TBC1D2B: variants seen among roughly 807,000 people sequenced by gnomAD.
TBC1D2B encodes the protein TBC1 domain family, member 2B.
In TBC1D2B, 64 loss-of-function variants were observed where a neutral mutation model predicts 100.8. The observed-to-expected ratio is 0.64, with a 90% confidence interval of 0.52 to 0.78. The LOEUF (loss-of-function observed/expected upper bound fraction) is 0.78. Among genes scored for constraint, TBC1D2B ranks in the 30% least tolerant of loss-of-function variants. TBC1D2B has a pLI of 0.00. For synonymous variants in TBC1D2B, 480 were observed against 479.7 expected, an observed-to-expected ratio of 1.00 and a Z score of -0.01; for missense variants, 1,052 against 1,218.4, an observed-to-expected ratio of 0.86 and a Z score of 2.03.
chr15:78,013,285 G>A lies in TBC1D2B; in HGVS notation c.1808C>T (p.Pro603Leu), dbSNP rs1442280251. The A allele has an allele frequency of 6.2e-7, 1 of 1,613,656 alleles. No homozygotes were observed. Among genetic ancestry groups the A allele is most frequent in the Admixed American group, 1.7e-5 (1 of 59,970 alleles). The change falls in exon 9 of 13, where the codon CCT (proline) becomes CTT (leucine). Residue 603 changes from proline (P) to leucine (L), a missense_variant. Physicochemically the swap from Pro to Leu is moderately conservative, Grantham distance 98. Around this residue, in one of 4 missense-constraint regions of TBC1D2B, gnomAD observed 373 missense variants for 464.9 expected, o/e 0.80. Transcript: ENST00000300584. Reference sequence around the variant, plus strand: ...CAATTTCTCTTCCTCATCATCCTCAGGTACAGTCCTGAACCCATAAATATC... The same window carrying A: ...CAATTTCTCTTCCTCATCATCCTCAAGTACAGTCCTGAACCCATAAATATC... ...EYDIYGFRTV[P>L]EDDEEEKLVA...
intron 3 of TBC1D2B, 140 bp downstream of exon 3, chr15:78,044,760 G>T: frequency 1.3e-6 from 1 of 762,272 alleles, no homozygotes; most frequent in Non-Finnish European, 2.0e-6. Flanking sequence ...AAACCACAAT[G>T]ATCTATGGGA....
Position 78,016,537 on chromosome 15 carries a change from C to A in TBC1D2B, c.1775+9G>T. The stretch of plus-strand genomic sequence containing the variant: ...GTGCACTACCCTCAACAGTCACTAG[C>A]ACATTTACCTGACAAGATGAGGTTT... On this transcript the variant is annotated intron_variant, in intron 8 of 12. Transcript: ENST00000300584. 1 of 1,611,038 alleles carries A rather than the reference C, an allele frequency of 6.2e-7. No homozygotes were observed. Among genetic ancestry groups the A allele is most frequent in the Non-Finnish European group, 8.5e-7 (1 of 1,179,208 alleles).
intron 2 of TBC1D2B, among the ~76,000 whole-genome samples, chr15:78,046,835 A>G (rs1567028639): frequency 6.6e-6 from 1 of 152,158 alleles, no homozygotes; most frequent in Non-Finnish European, 1.5e-5. Context: ...GGTCTCTGGT[A>G]AAGGTCACTG....
intron 8 of TBC1D2B, among the ~76,000 whole-genome samples, chr15:78,015,133 G>A (rs1425433481): frequency 1.3e-5 from 2 of 152,104 alleles, no homozygotes; most frequent in Non-Finnish European, 2.9e-5. Context: ...CCCGGGAGGC[G>A]GAGCTTGCAG....
intron 10 of TBC1D2B, among the ~76,000 whole-genome samples, 183 bp downstream of exon 10, chr15:78,008,814 C>G (rs2072144067): frequency 6.6e-6 from 1 of 152,230 alleles, no homozygotes; most frequent in African/African-American, 2.4e-5. Flanking sequence ...AACTCGGCCT[C>G]AGTCACAAAC....
At chr15:78,000,439 C>A (rs2071882338) in intron 12 of TBC1D2B, among the ~76,000 whole-genome samples, 1 of 152,258 alleles carries the variant, frequency 6.6e-6, no homozygotes, top group South Asian at 2.1e-4. Context: ...TCTCGGCAAT[C>A]CTGACCCAAC....
chr15:78,074,376 T>C (rs181785559), intron 1 of TBC1D2B, among the ~76,000 whole-genome samples: 1 of 152,306 alleles, frequency 6.6e-6, no homozygotes, highest in Non-Finnish European at 1.5e-5. Context: ...CATTGTTGTA[T>C]ACAGCCAACA....
At chr15:78,034,618 C>CT in intron 3 of TBC1D2B, 1 of 984,750 alleles carries the variant, frequency 1.0e-6, no homozygotes, top group Non-Finnish European at 1.2e-6. Context: ...GCCACACACC[C>CT]TCCTTCCTCC....
intron 1 of TBC1D2B, among the ~76,000 whole-genome samples, chr15:78,064,191 A>G (rs1596330177): frequency 2.0e-5 from 3 of 152,278 alleles, no homozygotes; most frequent in Admixed American, 2.0e-4. Context: ...ACCCAGTTCA[A>G]ACATCTCATC....
At chr15:78,075,254 A>G (rs1169196394) in intron 1 of TBC1D2B, among the ~76,000 whole-genome samples, 1 of 151,812 alleles carries the variant, frequency 6.6e-6, no homozygotes, top group Non-Finnish European at 1.5e-5. Flanking sequence ...GGCTGAGTGC[A>G]GTGGCGCGAT....
chr15:78,012,673 G>A, intron 9 of TBC1D2B, 150 bp downstream of exon 9: 1 of 687,470 alleles, frequency 1.5e-6, no homozygotes, highest in Non-Finnish European at 2.1e-6. Flanking sequence ...TGGGGATATT[G>A]TGTAATGAAA....
At chr15:78,024,012 G>A (rs2072585005) in intron 6 of TBC1D2B, 144 bp downstream of exon 6, 1 of 1,029,054 alleles carries the variant, frequency 9.7e-7, no homozygotes, top group Non-Finnish European at 1.4e-6. Context: ...TTATTTGATG[G>A]TAAGTCCTGT....
intron 1 of TBC1D2B, among the ~76,000 whole-genome samples, chr15:78,075,113 CTTCAAG>C (rs142500224): frequency 0.03 from 4,569 of 152,264 alleles, 250 homozygotes; most frequent in African/African-American, 0.11. Flanking sequence ...CAGACTCCTG[CTTCAAG>C]TTCAAGTCCA....
At position 78,025,421 on chromosome 15, in the gene TBC1D2B, A is replaced by T; in HGVS notation, c.924T>A (p.Ile308=). 6.2e-7 allele frequency: 1 copy of T among 1,613,902 alleles called. No individual in the cohort carries two copies. Among genetic ancestry groups the T allele is most frequent in the Non-Finnish European group, 8.5e-7 (1 of 1,179,896 alleles). ...TGCTGTGACGATTTTTGTACGACCC[A>T]ATTATGTCTTTCAAAGGGCGCTTTC... ...YKGKRPLKDI[I]GSYKNRHSSG... Residue 308 remains isoleucine, a synonymous_variant, in exon 5 of 13, where the codon ATT becomes ATA. Coordinates refer to ENST00000300584, the MANE Select transcript of TBC1D2B (RefSeq NM_144572.2).
At chr15:78,018,095 TTG>T (rs2072422966) in intron 6 of TBC1D2B, 138 bp from the exon 7 acceptor site, 2 of 491,052 alleles carry the variant, frequency 4.1e-6, no homozygotes, top group African/African-American at 4.0e-5. Context: ...GAACTAGAAG[TTG>T]TTAAAAGGCA....
chr15:78,040,900 A>AAGAAAGAAAGAAAGAAAGAGAGAGAG (rs1567026354), intron 3 of TBC1D2B, among the ~76,000 whole-genome samples: 1 of 147,248 alleles, frequency 6.8e-6, no homozygotes, highest in African/African-American at 2.5e-5. Flanking sequence ...GAGAGAAAGA[A>AAGAAAGAAAGAAAGAAAGAGAGAGAG]AGAAAGAAAG....
intron 3 of TBC1D2B, among the ~76,000 whole-genome samples, chr15:78,032,395 T>G (rs1055826194): frequency 6.6e-6 from 1 of 151,304 alleles, no homozygotes; most frequent in African/African-American, 2.4e-5. Context: ...CAAAGCCCAA[T>G]AATATTTATA....
chr15:78,001,569 G>A (rs375712811), intron 12 of TBC1D2B, 50 bp downstream of exon 12: 8 of 1,561,614 alleles, frequency 5.1e-6, no homozygotes, highest in Non-Finnish European at 6.9e-6. Context: ...AAGGAGGCAG[G>A]GGTCAGGCTT....
rs756992755 is a variant in TBC1D2B, at chr15:78,013,082, C to G, written c.2011G>C (p.Val671Leu). ...TGACGGTCCACACACCACTTCCACA[C>G]CTTGGAACGGTGCTCGTGGGGAATG... The part of the protein sequence containing the change: ...AGIPHEHRSK[V>L]WKWCVDRHTR... The change falls in exon 9 of 13, where the codon GTG becomes CTG. Residue 671 changes from valine (V) to leucine (L), a missense_variant. Val to Leu is a conservative substitution (Grantham distance 32). Coordinates refer to ENST00000300584, the MANE Select transcript of TBC1D2B (RefSeq NM_144572.2). 2.5e-6 allele frequency: 4 copies of G among 1,613,890 alleles called. No individual in the cohort carries two copies. The South Asian group carries it at 4.4e-5, about 18-fold the overall frequency.
Sources: allele counts gnomAD v4.1 joint callset (sites outside exome capture counted in the v4.1 genomes callset), GRCh38; gene constraint gnomAD v4.1.1; regional missense constraint gnomAD v4.1.1; transcripts MANE v1.5; gene names NCBI Gene and HGNC (gene_info 2026-07-23, HGNC 2026-07-21).